The following KIF6 variants were observed in gnomAD, a reference collection of about 807,000 sequenced individuals.
The protein encoded by KIF6 is kinesin-like protein KIF6.
KIF6 carries 106 observed loss-of-function variants against 112.7 expected under a neutral mutation model. The ratio of observed to expected loss-of-function variants is 0.94; its 90% CI spans 0.80 to 1.11. The LOEUF (loss-of-function observed/expected upper bound fraction) is 1.11, where lower values mean the gene tolerates loss of function less well. Among genes scored for constraint, KIF6 ranks in the 50% least tolerant of loss-of-function variants. The pLI is 0.00. For missense variants in KIF6, 929 were observed against 964.0 expected (o/e 0.96, Z 0.48); for synonymous variants, 339 against 339.9 (o/e 1.00, Z 0.03).
At chr6:39,431,002 G>T in intron 14 of KIF6, 51 bp downstream of exon 14, 1 of 1,062,100 alleles carries the variant, frequency 9.4e-7, no homozygotes, top group Non-Finnish European at 1.4e-6. Context: ...TCTCTTCTAG[G>T]CTGGCCTGGC....
At chr6:39,447,094 C>T (rs909521861) in intron 13 of KIF6, among the ~76,000 whole-genome samples, 3 of 152,172 alleles carry the variant, frequency 2.0e-5, no homozygotes, top group Admixed American at 6.5e-5. Context: ...TTACAAATGA[C>T]GGGTTAGCAA....
chr6:39,519,742 C>T (rs546536473), intron 13 of KIF6, among the ~76,000 whole-genome samples: 92 of 151,626 alleles, frequency 6.1e-4, no homozygotes, highest in East Asian at 1.3e-3. Flanking sequence ...ACAAGCCAGC[C>T]GGGCGCCGCG....
rs544948900 is a variant in KIF6 at position 39,543,782 on chromosome 6, CACCCA to C, written c.1426+768_1426+772del. Among the ~76,000 whole-genome samples, 18 of 152,292 alleles carry C rather than the reference CACCCA, an allele frequency of 1.2e-4. No homozygotes were observed. In the South Asian group the frequency reaches 3.7e-3, roughly 32 times the overall value. On this transcript the variant is annotated intron_variant, in intron 12 of 22. Coordinates refer to ENST00000287152, the MANE Select transcript of KIF6 (RefSeq NM_145027.6). ...AGAAATATCTGGGAGGCCTGAGTTC[CACCCA>C]ACCCCACAGGGGCTCCATAGAAGTA...
At chr6:39,699,210 T>C (rs572519975) in intron 3 of KIF6, among the ~76,000 whole-genome samples, 2 of 151,906 alleles carry the variant, frequency 1.3e-5, no homozygotes, top group African/African-American at 4.8e-5. Flanking sequence ...AGATGATAAG[T>C]GCTATGAAAA....
chr6:39,393,456 T>C (rs1479802056), intron 15 of KIF6, among the ~76,000 whole-genome samples: 1 of 152,104 alleles, frequency 6.6e-6, no homozygotes, highest in African/African-American at 2.4e-5. Context: ...GCTTAAGGAG[T>C]TCCTGACATA....
Position 39,662,911 on chromosome 6 carries a change from CT to C in KIF6, c.252-23155del, listed in dbSNP as rs1360824121. 8.2e-3 allele frequency among the ~76,000 whole-genome samples: 1,195 copies of C among 145,032 alleles called. 13 individuals carry two copies. Among genetic ancestry groups the C allele is most frequent in the African/African-American group, 0.022 (889 of 39,908 alleles). On this transcript the variant is annotated intron_variant, in intron 3 of 22. Transcript: ENST00000287152. Reference sequence around the variant, plus strand: ...TTTTCTTTTCTTCTTTTCTCTCTCTCTTTTTTTTTTTTATAGGGTCTTGCCC... The same window carrying C: ...TTTTCTTTTCTTCTTTTCTCTCTCTCTTTTTTTTTTTATAGGGTCTTGCCC...
chr6:39,542,090 G>A (rs912662211), intron 12 of KIF6, among the ~76,000 whole-genome samples: 6 of 152,184 alleles, frequency 3.9e-5, no homozygotes, highest in Non-Finnish European at 5.9e-5. Context: ...GGTGTAGGCA[G>A]GGCAAGATCA....
chr6:39,357,898 T>C (rs140958432), intron 18 of KIF6, among the ~76,000 whole-genome samples: 21 of 152,390 alleles, frequency 1.4e-4, no homozygotes, highest in African/African-American at 4.8e-4. Flanking sequence ...TAATGTTTAA[T>C]TTATTCTTTA....
chr6:39,591,255 A>T (rs1781937973), intron 7 of KIF6, among the ~76,000 whole-genome samples: 1 of 152,200 alleles, frequency 6.6e-6, no homozygotes, highest in Non-Finnish European at 1.5e-5. Context: ...GGCAATTCCT[A>T]TGTCCTCTCT....
intron 15 of KIF6, among the ~76,000 whole-genome samples, chr6:39,416,224 A>C (rs1022656574): frequency 4.6e-5 from 7 of 152,370 alleles, no homozygotes; most frequent in African/African-American, 1.7e-4. Flanking sequence ...GTGGTAAAAC[A>C]GTGATGATGT....
intron 3 of KIF6, among the ~76,000 whole-genome samples, chr6:39,648,626 A>T (rs143537837): frequency 2.6e-5 from 4 of 152,192 alleles, no homozygotes; most frequent in Non-Finnish European, 2.9e-5. Context: ...GTGGTCCCCA[A>T]CATTCCCTAA....
At position 39,668,263 on chromosome 6, in the gene KIF6, AT is replaced by A. The variant is rs149160126; in HGVS notation, c.252-28507del. 7.8e-3 allele frequency among the ~76,000 whole-genome samples: 1,188 copies of A among 152,284 alleles called. 8 individuals carry two copies. The highest frequency in any genetic ancestry group is 0.012 in the Non-Finnish European group (821 of 68,028). On this transcript the variant is annotated intron_variant, in intron 3 of 22. Transcript: ENST00000287152. ...TCAGAATTATGATCTAAATAAACCT[AT>A]TTATTTTAGGTTCTGAAGTTTTAAA... is the stretch of plus-strand genomic sequence containing the variant.
At position 39,343,650 on chromosome 6, in the gene KIF6, T is replaced by G; in HGVS notation, c.2428+59A>C. On this transcript the variant is annotated intron_variant, in intron 22 of 22. Transcript: ENST00000287152. This position sits in a 1 kb window ranked among gnomAD's most constrained non-coding sequence, Gnocchi z 4.1. ...ACTCCCCTCCCACCTCACTGTGTGC[T>G]CCCCACAAGTGTTGGTGACCTGCTG... is the stretch of plus-strand genomic sequence containing the variant. The G allele has an allele frequency of 4.4e-6, 6 of 1,353,960 alleles. No homozygotes were observed. In the South Asian group the frequency reaches 8.0e-5, roughly 18 times the overall value. 83.9% of individuals were successfully genotyped at this position (1,353,960 alleles called of 1,614,324 possible).
chr6:39,526,219 T>C (rs112730441), intron 13 of KIF6, among the ~76,000 whole-genome samples: 3,457 of 152,326 alleles, frequency 0.023, 64 homozygotes, highest in Non-Finnish European at 0.033. Context: ...CCATAGGGAA[T>C]AGGTATGCAT....
At chr6:39,570,209 A>C (rs1780567589) in intron 10 of KIF6, among the ~76,000 whole-genome samples, 1 of 152,194 alleles carries the variant, frequency 6.6e-6, no homozygotes, top group Admixed American at 6.5e-5. Flanking sequence ...GTATGAGAAA[A>C]AGGACAGAAC....
At chr6:39,463,273 C>T (rs893585655) in intron 13 of KIF6, among the ~76,000 whole-genome samples, 1 of 152,134 alleles carries the variant, frequency 6.6e-6, no homozygotes, top group Non-Finnish European at 1.5e-5. Flanking sequence ...GACTAGGCCT[C>T]CAACTAACAG....
intron 2 of KIF6, among the ~76,000 whole-genome samples, chr6:39,720,366 G>A (rs944828589): frequency 6.6e-6 from 1 of 152,076 alleles, no homozygotes. Flanking sequence ...AAATGATACT[G>A]TAAGTTCTTA....
At chr6:39,386,541 T>C (rs2150315543) in intron 15 of KIF6, among the ~76,000 whole-genome samples, 1 of 152,162 alleles carries the variant, frequency 6.6e-6, no homozygotes, top group African/African-American at 2.4e-5. Context: ...ACTTGGGGCT[T>C]AATACAAGGA....
chr6:39,608,405 T>C (rs1032738272), intron 6 of KIF6, among the ~76,000 whole-genome samples: 1 of 152,246 alleles, frequency 6.6e-6, no homozygotes, highest in Non-Finnish European at 1.5e-5. Context: ...TGCACAAACC[T>C]TATTTTATAA....
Sources: gnomAD v4.1 joint callset for allele counts (sites outside exome capture counted in the v4.1 genomes callset) on GRCh38, gnomAD v4.1.1 for gene constraint, Gnocchi (gnomAD v3.1) non-coding constraint, MANE v1.5 for transcripts, NCBI Gene and HGNC (gene_info 2026-07-23, HGNC 2026-07-21) for gene names.